The following APC variants were observed in gnomAD, a reference collection of about 807,000 sequenced individuals.
APC encodes the protein adenomatous polyposis coli protein.
A neutral mutation model predicts 247.0 loss-of-function variants in APC; 72 were observed. That is an observed-to-expected ratio of 0.29 (90% confidence interval 0.24 to 0.35). APC has a LOEUF of 0.35. Among genes scored for constraint, APC ranks in the 10% least tolerant of loss-of-function variants. APC has a pLI of 1.00. For synonymous variants in APC, 1,254 were observed against 1,162.5 expected, an observed-to-expected ratio of 1.08 and a Z score of -1.60; for missense variants, 3,400 against 3,360.7, an observed-to-expected ratio of 1.01 and a Z score of -0.29.
chr5:112,756,157 A>C (rs1754963041), intron 2 of APC, among the ~76,000 whole-genome samples: 2 of 152,096 alleles, frequency 1.3e-5, no homozygotes, highest in South Asian at 4.1e-4. Context: ...TGTGTCACTG[A>C]GGTAACTGTT....
At chr5:112,720,037 A>G (rs1751396521) in intron 1 of APC, among the ~76,000 whole-genome samples, 1 of 152,256 alleles carries the variant, frequency 6.6e-6, no homozygotes, top group South Asian at 2.1e-4. Flanking sequence ...TGGAAGCCAA[A>G]CAGATACATT....
intron 4 of APC, among the ~76,000 whole-genome samples, chr5:112,774,359 C>G (rs1371302514): frequency 6.6e-6 from 1 of 151,866 alleles, no homozygotes; most frequent in Non-Finnish European, 1.5e-5. Context: ...AGATGCCCAA[C>G]TGGTAAGTAT....
At chr5:112,766,291 A>G (rs1226123891) in intron 2 of APC, 35 bp from the exon 3 acceptor site, 1 of 1,410,904 alleles carries the variant, frequency 7.1e-7, no homozygotes. Flanking sequence ...AGTTATTTAG[A>G]ATTTCATGTT....
intron 8 of APC, among the ~76,000 whole-genome samples, chr5:112,812,043 C>CT (rs1762038990): frequency 6.6e-6 from 1 of 152,184 alleles, no homozygotes; most frequent in Non-Finnish European, 1.5e-5. Flanking sequence ...GGGCAGTTCA[C>CT]AGCATAGTAA....
Position 112,707,707 on chromosome 5 carries a change from C to T in APC, c.-11C>T, listed in dbSNP as rs1750599043. On this transcript the variant is annotated 5_prime_UTR_variant, in exon 1 of 14. Coordinates refer to the APC transcript ENST00000507379. ...AGCACTCAGTTGCCTTCTCGGGCCT[C>T]GGCGCCCCCTATGTACGCCTCCCTG... 7.3e-7 allele frequency: 1 copy of T among 1,370,656 alleles called. No homozygotes were observed. The highest frequency in any genetic ancestry group is 1.2e-5 in the South Asian group (1 of 81,728). The allele number at this position is 1,370,656 out of a possible 1,614,324, so 84.9% of individuals were successfully genotyped here. A position where few individuals can be genotyped will look rare whatever the true frequency, so the allele number is the denominator to read the frequency against.
intron 8 of APC, among the ~76,000 whole-genome samples, chr5:112,808,550 C>T (rs770055805): frequency 2.0e-5 from 3 of 152,036 alleles, no homozygotes; most frequent in Non-Finnish European, 4.4e-5. Context: ...TGGGCTTAAG[C>T]GATCCTCTCG....
rs547877112 is a variant in APC at position 112,708,006 on chromosome 5, C to T, written c.165+124C>T. The T allele has an allele frequency of 1.6e-5, 16 of 995,122 alleles. No individual in the cohort carries two copies. The Admixed American group carries it at 2.3e-4, about 14-fold the overall frequency. 61.6% of individuals were successfully genotyped at this position (995,122 alleles called of 1,614,324 possible). A position where few individuals can be genotyped will look rare whatever the true frequency, so the allele number is the denominator to read the frequency against. On this transcript the variant is annotated intron_variant, in intron 1 of 13. Coordinates refer to the APC transcript ENST00000507379. ...TGGCTCTCTTCTCTCCATGTCTCACCCTCTCCCCTCCCCGCACTCCCCATT... is the reference window on the plus strand; with the variant it reads ...TGGCTCTCTTCTCTCCATGTCTCACTCTCTCCCCTCCCCGCACTCCCCATT...
At chr5:112,821,799 GTTATA>G in intron 10 of APC, 92 bp from the exon 11 acceptor site, 1 of 939,180 alleles carries the variant, frequency 1.1e-6, no homozygotes, top group South Asian at 1.4e-5. Flanking sequence ...GTGAATTAGG[GTTATA>G]TTAGTGATCC....
intron 14 of APC, among the ~76,000 whole-genome samples, chr5:112,833,959 T>G (rs1764582097): frequency 6.6e-6 from 1 of 152,074 alleles, no homozygotes; most frequent in Non-Finnish European, 1.5e-5. Flanking sequence ...AAAATCTACT[T>G]TCTTTTTTTT....
chr5:112,750,677 A>C (rs1051024731), intron 1 of APC, among the ~76,000 whole-genome samples: 2 of 152,184 alleles, frequency 1.3e-5, no homozygotes, highest in Non-Finnish European at 2.9e-5. Flanking sequence ...CTAGTCTAGT[A>C]ACGGACATCA....
At chr5:112,767,111 T>C in intron 3 of APC, 78 bp from the exon 4 acceptor site, 1 of 1,226,518 alleles carries the variant, frequency 8.2e-7, no homozygotes, top group Admixed American at 1.9e-5. Context: ...TATTTCACTT[T>C]AAAATAATAT....
chr5:112,775,851 C>G, intron 5 of APC, 114 bp downstream of exon 5: 1 of 625,316 alleles, frequency 1.6e-6, no homozygotes, highest in Non-Finnish European at 2.8e-6. Context: ...TTGTAAATTG[C>G]AATATGTTTT....
chr5:112,805,331 T>TA (rs1761264644), intron 8 of APC, among the ~76,000 whole-genome samples: 1 of 152,198 alleles, frequency 6.6e-6, no homozygotes, highest in South Asian at 2.1e-4. Flanking sequence ...TCATGTCATT[T>TA]ATGTCAGTAT....
At chr5:112,790,473 G>A (rs994253371) in intron 6 of APC, among the ~76,000 whole-genome samples, 1 of 151,702 alleles carries the variant, frequency 6.6e-6, no homozygotes, top group Non-Finnish European at 1.5e-5. Context: ...TTACAGGCAC[G>A]CGTCACCCAT....
At chr5:112,708,435 G>C (rs1444406048) in intron 1 of APC, among the ~76,000 whole-genome samples, 2 of 152,154 alleles carry the variant, frequency 1.3e-5, no homozygotes, top group African/African-American at 4.8e-5. Context: ...GCCTCTGTTG[G>C]CAAATGATTG....
chr5:112,829,858 G>A (rs940087202), intron 14 of APC: 1 of 152,196 alleles, frequency 6.6e-6, no homozygotes, highest in African/African-American at 2.4e-5. Flanking sequence ...AGCCAAGGGT[G>A]AGGAATCATC....
chr5:112,738,625 G>T (rs1443518980), intron 1 of APC, among the ~76,000 whole-genome samples: 5 of 152,182 alleles, frequency 3.3e-5, no homozygotes, highest in African/African-American at 1.2e-4. Flanking sequence ...TTTTGCGGAC[G>T]ACTGCAGCAG....
rs747992044 is a variant in APC, at chr5:112,767,345, G to C, written c.377G>C (p.Gly126Ala). ...TTTCCAAGAAGAGGGTTTGTAAATG[G>C]AAGCAGAGAAAGTACTGGATATTTA... The part of the protein sequence containing the change: ...GSFPRRGFVN[G>A]SRESTGYLEE... Residue 126 changes from glycine to alanine, a missense_variant, in exon 4 of 16, where the codon GGA becomes GCA. By Grantham distance (60) the Gly-to-Ala change is moderately conservative. This residue lies in a region of APC where 372 missense variants were observed against 367.6 expected (regional missense o/e 1.01). Transcript: ENST00000257430. The C allele has an allele frequency of 6.2e-7, 1 of 1,614,140 alleles. No homozygotes were observed. The highest frequency in any genetic ancestry group is 8.5e-7 in the Non-Finnish European group (1 of 1,180,014).
chr5:112,734,365 C>G (rs1252626190), upstream of APC, among the ~76,000 whole-genome samples: 1 of 152,186 alleles, frequency 6.6e-6, no homozygotes, highest in Non-Finnish European at 1.5e-5. Context: ...CAGTTAGGCA[C>G]ACATCTAACT....
Sources: allele counts gnomAD v4.1 joint callset (sites outside exome capture counted in the v4.1 genomes callset), GRCh38; gene constraint gnomAD v4.1.1; regional missense constraint gnomAD v4.1.1; transcripts MANE v1.5; gene names NCBI Gene and HGNC (gene_info 2026-07-23, HGNC 2026-07-21).